BFSP1: variants seen among roughly 807,000 people sequenced by gnomAD.
BFSP1 encodes beaded filament structural protein 1.
BFSP1 carries 38 observed loss-of-function variants against 43.9 expected under a neutral mutation model. The observed-to-expected ratio is 0.87, with a 90% CI of 0.67 to 1.14. BFSP1 has a LOEUF of 1.14. Ranked by LOEUF, BFSP1 falls within the 50% of genes most tolerant of loss-of-function variation. The pLI is 0.00. For synonymous variants in BFSP1, 352 were observed against 354.8 expected (o/e 0.99, Z 0.09); for missense variants, 850 against 875.1 (o/e 0.97, Z 0.36).
At chr20:17,512,641 T>C (rs980385735) in intron 3 of BFSP1, among the ~76,000 whole-genome samples, 4 of 152,064 alleles carry the variant, frequency 2.6e-5, no homozygotes, top group Non-Finnish European at 4.4e-5. Flanking sequence ...CACTTGAACC[T>C]GGGGGTGGGT....
rs1166113458 is a variant in BFSP1, at chr20:17,524,845, C to T, written c.438+3G>A. 1.2e-6 allele frequency: 2 copies of T among 1,613,892 alleles called. No homozygotes were observed. Among genetic ancestry groups the T allele is most frequent in the Non-Finnish European group, 1.7e-6 (2 of 1,179,758 alleles). Reference sequence around the variant, plus strand: ...CGTAAACCCAAGGATGTGTTCCGCTCACCTTGTTAAGCCGTTCAAGCATTT... The same window carrying T: ...CGTAAACCCAAGGATGTGTTCCGCTTACCTTGTTAAGCCGTTCAAGCATTT... On this transcript the variant is annotated splice_donor_region_variant and intron_variant, in intron 2 of 7. Transcript: ENST00000377873.
chr20:17,553,870 TAC>T (rs1555805842), intron 1 of BFSP1, among the ~76,000 whole-genome samples: 1,998 of 77,676 alleles, frequency 0.026, 85 homozygotes, highest in African/African-American at 0.07. Context: ...CACATATATA[TAC>T]ATATATATAT....
At chr20:17,526,385 A>G (rs1268281446) in intron 1 of BFSP1, among the ~76,000 whole-genome samples, 2 of 152,068 alleles carry the variant, frequency 1.3e-5, no homozygotes, top group African/African-American at 4.8e-5. Flanking sequence ...TATGAATTTG[A>G]CACGCCCAAC....
chr20:17,516,085 T>C (rs1286773581), intron 2 of BFSP1, among the ~76,000 whole-genome samples: 2 of 152,038 alleles, frequency 1.3e-5, no homozygotes, highest in Non-Finnish European at 2.9e-5. Context: ...TCCCAGCACT[T>C]TGGGAGGCTG....
intron 1 of BFSP1, among the ~76,000 whole-genome samples, chr20:17,538,779 C>A (rs549034007): frequency 7.2e-5 from 11 of 152,282 alleles, no homozygotes; most frequent in African/African-American, 2.2e-4. Context: ...CTCAGGACTG[C>A]GTTTGGAGAA....
chr20:17,565,740 A>G (rs147034394), intron 1 of BFSP1: 3 of 152,356 alleles, frequency 2.0e-5, no homozygotes, highest in African/African-American at 7.2e-5. Context: ...AAGGTGCTCA[A>G]AGGGGTTTTT....
chr20:17,565,301 T>G (rs945796111), intron 1 of BFSP1, among the ~76,000 whole-genome samples: 1 of 152,208 alleles, frequency 6.6e-6, no homozygotes, highest in Non-Finnish European at 1.5e-5. Context: ...ATGTAATTAG[T>G]GAAATAAAAT....
rs1371369770 is a variant in BFSP1 at position 17,553,812 on chromosome 20, C to T, written c.2+4876G>A. The stretch of plus-strand genomic sequence containing the variant: ...ATATATATACACACACACACACACA[C>T]ACACACACACACATATATATATATA... On this transcript the variant is annotated intron_variant, in intron 1 of 7. Transcript: ENST00000377868. Among the ~76,000 whole-genome samples the T allele has an allele frequency of 2.9e-3, 300 of 102,986 alleles. 3 individuals are homozygous for T. The highest frequency in any genetic ancestry group is 8.8e-3 in the African/African-American group (164 of 18,674). The allele number at this position is 102,986 out of a possible 152,430, so 67.6% of individuals were successfully genotyped here. A position where few individuals can be genotyped will look rare whatever the true frequency, so the allele number is the denominator to read the frequency against.
At chr20:17,505,569 G>A (rs895478353) in intron 5 of BFSP1, among the ~76,000 whole-genome samples, 1 of 152,046 alleles carries the variant, frequency 6.6e-6, no homozygotes. Flanking sequence ...CCGGCGGTGT[G>A]CGGCCACATC....
chr20:17,503,797 C>T (rs2123468992), intron 5 of BFSP1, among the ~76,000 whole-genome samples: 1 of 152,340 alleles, frequency 6.6e-6, no homozygotes, highest in South Asian at 2.1e-4. Flanking sequence ...CACACAGCAA[C>T]AGGCCAACAC....
intron 1 of BFSP1, among the ~76,000 whole-genome samples, chr20:17,527,645 G>C (rs536132972): frequency 2.0e-5 from 3 of 151,982 alleles, no homozygotes; most frequent in Non-Finnish European, 4.4e-5. Flanking sequence ...GGAGAATAGC[G>C]TGAACCCAGG....
At chr20:17,537,061 C>T (rs6044868) in intron 1 of BFSP1, among the ~76,000 whole-genome samples, 7,010 of 152,266 alleles carry the variant, frequency 0.046, 174 homozygotes, top group Middle Eastern at 0.071. Context: ...TGCTCTAACA[C>T]TCTGACTCTG....
At chr20:17,545,560 A>C (rs1474678788) in intron 1 of BFSP1, among the ~76,000 whole-genome samples, 6 of 152,238 alleles carry the variant, frequency 3.9e-5, no homozygotes, top group Non-Finnish European at 8.8e-5. Flanking sequence ...AGACAGCCAG[A>C]GTGAAAACAT....
At position 17,524,873 on chromosome 20, in the gene BFSP1, T is replaced by G; in HGVS notation, c.413A>C (p.Lys138Thr). 6.2e-7 allele frequency: 1 copy of G among 1,614,178 alleles called. No individual in the cohort carries two copies. The highest frequency in any genetic ancestry group is 8.5e-7 in the Non-Finnish European group (1 of 1,180,010). The change falls in exon 2 of 8, where the codon AAA becomes ACA. Residue 138 changes from lysine to threonine, a missense_variant. Coordinates refer to ENST00000377873, the MANE Select transcript of BFSP1 (RefSeq NM_001195.5). ...CTTGTTAAGCCGTTCAAGCATTTCT[T>G]TTAGCAGGAGTTGACATTCGCACTC... ...ENECECQLLL[K>T]EMLERLNKEA...
chr20:17,546,803 A>C (rs578008860), intron 1 of BFSP1, among the ~76,000 whole-genome samples: 1 of 152,104 alleles, frequency 6.6e-6, no homozygotes, highest in East Asian at 1.9e-4. Context: ...AGGTAGGTGG[A>C]TCTCGAGGTC....
At chr20:17,549,208 T>G (rs917705839) in intron 1 of BFSP1, among the ~76,000 whole-genome samples, 7 of 152,198 alleles carry the variant, frequency 4.6e-5, no homozygotes, top group Non-Finnish European at 1.0e-4. Context: ...CTAGAACGAA[T>G]CCTCTTAAAT....
intron 1 of BFSP1, among the ~76,000 whole-genome samples, chr20:17,551,964 G>A (rs936222709): frequency 2.0e-5 from 3 of 151,904 alleles, no homozygotes; most frequent in East Asian, 3.9e-4. Context: ...CAGCCTAGGC[G>A]ACAACAGCAA....
intron 1 of BFSP1, among the ~76,000 whole-genome samples, chr20:17,568,337 G>A (rs540475888): frequency 2.6e-5 from 4 of 152,232 alleles, no homozygotes; most frequent in African/African-American, 9.6e-5. Context: ...AGGCAGGCAT[G>A]TATCCTTAAA....
intron 2 of BFSP1, among the ~76,000 whole-genome samples, chr20:17,519,170 T>C (rs571518637): frequency 1.2e-4 from 19 of 152,336 alleles, no homozygotes; most frequent in Admixed American, 3.9e-4. Context: ...GCTGAATGAC[T>C]GGAAACAGGG....
Sources: allele counts gnomAD v4.1 joint callset (sites outside exome capture counted in the v4.1 genomes callset), GRCh38; gene constraint gnomAD v4.1.1; transcripts MANE v1.5; gene names NCBI Gene and HGNC (gene_info 2026-07-23, HGNC 2026-07-21).